The following PTPRD variants were observed in gnomAD, a reference collection of about 807,000 sequenced individuals.
The protein encoded by PTPRD is protein tyrosine phosphatase receptor type D.
PTPRD carries 34 observed loss-of-function variants against 214.5 expected under a neutral mutation model. The ratio of observed to expected loss-of-function variants is 0.16; its 90% CI spans 0.12 to 0.21. The LOEUF is 0.21. Among genes scored for constraint, PTPRD ranks in the 10% least tolerant of loss-of-function variants. PTPRD has a pLI of 1.00. For missense variants in PTPRD, 2,545 were observed against 2,398.7 expected, an observed-to-expected ratio of 1.06 and a Z score of -1.27; for synonymous variants, 1,128 against 845.7, an observed-to-expected ratio of 1.33 and a Z score of -5.79.
At chr9:8,444,412 T>A (rs2095650322) in intron 34 of PTPRD, among the ~76,000 whole-genome samples, 1 of 152,166 alleles carries the variant, frequency 6.6e-6, no homozygotes, top group Admixed American at 6.6e-5. Flanking sequence ...TTATATCATT[T>A]AAATAACTAC....
chr9:9,138,235 A>G (rs1227969874), intron 10 of PTPRD, among the ~76,000 whole-genome samples: 1 of 152,098 alleles, frequency 6.6e-6, no homozygotes, highest in Non-Finnish European at 1.5e-5. Flanking sequence ...AATCAATTAT[A>G]TTACACAGTA....
intron 14 of PTPRD, among the ~76,000 whole-genome samples, chr9:8,565,965 G>C (rs999892991): frequency 2.6e-5 from 4 of 152,140 alleles, no homozygotes; most frequent in African/African-American, 4.8e-5. Context: ...CTCAGGACTG[G>C]TTTTGAAGTA....
rs1181559844 is a variant in PTPRD at position 9,985,233 on chromosome 9, T to G, written c.-471-46623A>C. ...GTCTCTTTCCAAATTTGTCCTCTTGTGCGTACTTTTCCCCAGTCCTAGAGT... is the reference window on the plus strand; with the variant it reads ...GTCTCTTTCCAAATTTGTCCTCTTGGGCGTACTTTTCCCCAGTCCTAGAGT... On this transcript the variant is annotated intron_variant, in intron 4 of 45. Transcript: ENST00000381196. 2.0e-5 allele frequency among the ~76,000 whole-genome samples: 3 copies of G among 152,248 alleles called. 1 individual carries two copies. The highest frequency in any genetic ancestry group is 7.2e-5 in the African/African-American group (3 of 41,476).
At chr9:10,055,753 C>A (rs1181920018) in intron 3 of PTPRD, among the ~76,000 whole-genome samples, 1 of 151,794 alleles carries the variant, frequency 6.6e-6, no homozygotes, top group African/African-American at 2.4e-5. Context: ...AAAAAGCTAG[C>A]ATGTTCCCAA....
intron 2 of PTPRD, among the ~76,000 whole-genome samples, chr9:10,356,933 G>A (rs10959068): frequency 8.6e-5 from 13 of 151,652 alleles, no homozygotes; most frequent in South Asian, 4.2e-4. Context: ...CACCCACCTC[G>A]GCCTCCCAAA....
intron 9 of PTPRD, among the ~76,000 whole-genome samples, chr9:9,222,216 T>A (rs184065066): frequency 1.3e-5 from 2 of 152,082 alleles, no homozygotes; most frequent in African/African-American, 4.8e-5. Context: ...TAGCCTGTGA[T>A]AGACCACTAG....
chr9:8,724,329 TG>T (rs2098534899), intron 12 of PTPRD, among the ~76,000 whole-genome samples: 1 of 152,218 alleles, frequency 6.6e-6, no homozygotes, highest in African/African-American at 2.4e-5. Flanking sequence ...TTTAGAATAA[TG>T]CTTCTTCACA....
intron 3 of PTPRD, among the ~76,000 whole-genome samples, chr9:10,163,704 C>T (rs1465793795): frequency 6.6e-6 from 1 of 151,494 alleles, no homozygotes; most frequent in Non-Finnish European, 1.5e-5. Context: ...CAGCTCAAAG[C>T]ACAATATATT....
chr9:9,808,161 T>G (rs2046015380), intron 5 of PTPRD, among the ~76,000 whole-genome samples: 1 of 152,176 alleles, frequency 6.6e-6, no homozygotes, highest in South Asian at 2.1e-4. Context: ...GTGTAACTGT[T>G]GCATACTTCA....
intron 8 of PTPRD, among the ~76,000 whole-genome samples, chr9:9,507,663 A>G (rs1002180571): frequency 6.6e-6 from 1 of 151,484 alleles, no homozygotes; most frequent in Non-Finnish European, 1.5e-5. Context: ...AAAAATAATT[A>G]TCATTAGTAA....
At chr9:8,583,843 T>G (rs1195384263) in intron 14 of PTPRD, among the ~76,000 whole-genome samples, 1 of 152,194 alleles carries the variant, frequency 6.6e-6, no homozygotes, top group Admixed American at 6.5e-5. Flanking sequence ...TGTACTTTCT[T>G]CATTTCATAT....
In PTPRD at chr9:8,485,922, A is replaced by G. The variant is rs2135925856; in HGVS notation, c.2895T>C (p.Leu965=). ...GAACAATAAGCTGCTCCATCGGGAG[A>G]AGGGGGATGTTGATATCCCTATAAA... ...TLLYRDINIP[L]LPMEQLIVPA... Residue 965 remains leucine (L), a synonymous_variant, in exon 28 of 46, where the codon CTT becomes CTC. Coordinates refer to ENST00000381196, the MANE Select transcript of PTPRD (RefSeq NM_002839.4). The G allele has an allele frequency of 1.9e-6, 3 of 1,614,128 alleles. No individual in the cohort carries two copies. The highest frequency in any genetic ancestry group is 2.5e-6 in the Non-Finnish European group (3 of 1,180,016).
At chr9:9,664,789 T>A (rs924891224) in intron 7 of PTPRD, among the ~76,000 whole-genome samples, 1 of 151,688 alleles carries the variant, frequency 6.6e-6, no homozygotes, top group African/African-American at 2.4e-5. Flanking sequence ...GAGTACTTTC[T>A]ACCTTTGTTG....
In PTPRD at chr9:8,996,487, C is replaced by A. The variant is rs150374394; in HGVS notation, c.-104+22210G>T. 8.1e-3 allele frequency among the ~76,000 whole-genome samples: 1,232 copies of A among 152,118 alleles called. 16 individuals are homozygous for A. Among genetic ancestry groups the A allele is most frequent in the African/African-American group, 0.028 (1,167 of 41,520 alleles). On this transcript the variant is annotated intron_variant, in intron 11 of 45. Coordinates refer to ENST00000381196, the MANE Select transcript of PTPRD (RefSeq NM_002839.4). Reference sequence around the variant, plus strand: ...TAGAGGTGGAGAAAGGCATTGACTGCAAAGAGGAATGAAGGGATCTGTGGG... The same window carrying A: ...TAGAGGTGGAGAAAGGCATTGACTGAAAAGAGGAATGAAGGGATCTGTGGG...
At chr9:10,446,302 A>T (rs1020499891) in intron 2 of PTPRD, among the ~76,000 whole-genome samples, 3 of 152,114 alleles carry the variant, frequency 2.0e-5, no homozygotes, top group Middle Eastern at 3.4e-3. Flanking sequence ...GAGAGTAGGA[A>T]AGGTCTGAAA....
rs185738459 is a variant in PTPRD, at chr9:9,315,707, A to G, written c.-203+81742T>C. 1.4e-3 allele frequency among the ~76,000 whole-genome samples: 212 copies of G among 151,954 alleles called. 1 individual carries two copies. Among genetic ancestry groups the G allele is most frequent in the African/African-American group, 4.5e-3 (186 of 41,518 alleles). ...ACTGTAGAATATTCCTTGCCAGTAC[A>G]TAACCGTCTAAAAAACAAAGGAAGA... On this transcript the variant is annotated intron_variant, in intron 9 of 45. Coordinates refer to ENST00000381196, the MANE Select transcript of PTPRD (RefSeq NM_002839.4).
chr9:10,239,612 CAGA>C (rs2099640420), intron 3 of PTPRD, among the ~76,000 whole-genome samples: 1 of 84,780 alleles, frequency 1.2e-5, no homozygotes, highest in South Asian at 4.0e-4. Flanking sequence ...GCTGTGATAG[CAGA>C]ATAATAATAA....
intron 14 of PTPRD, among the ~76,000 whole-genome samples, chr9:8,629,913 G>C (rs938862531): frequency 6.6e-6 from 1 of 151,734 alleles, no homozygotes; most frequent in Admixed American, 6.6e-5. Flanking sequence ...CAGTTTTTGA[G>C]AGTAAGGGTA....
At chr9:10,414,901 A>C (rs1043292796) in intron 2 of PTPRD, among the ~76,000 whole-genome samples, 1 of 151,806 alleles carries the variant, frequency 6.6e-6, no homozygotes, top group Non-Finnish European at 1.5e-5. Context: ...ATACAAAGAA[A>C]GGAAAAACAG....
Sources: allele counts gnomAD v4.1 joint callset (sites outside exome capture counted in the v4.1 genomes callset), GRCh38; gene constraint gnomAD v4.1.1; transcripts MANE v1.5; gene names NCBI Gene and HGNC (gene_info 2026-07-23, HGNC 2026-07-21).